KHDRBS3: variants seen among roughly 807,000 people sequenced by gnomAD.
KHDRBS3 encodes KH RNA binding domain containing, signal transduction associated 3, also known as KH domain-containing, RNA-binding, signal transduction-associated protein 3.
Under a neutral mutation model 45.6 loss-of-function variants are expected in KHDRBS3, and 23 were observed. That is an observed-to-expected ratio of 0.50 (90% CI 0.36 to 0.72). The LOEUF (loss-of-function observed/expected upper bound fraction) is 0.72. Among genes scored for constraint, KHDRBS3 ranks in the 30% least tolerant of loss-of-function variants. KHDRBS3 has a pLI of 0.00. For synonymous variants in KHDRBS3, 162 were observed against 156.5 expected, an observed-to-expected ratio of 1.04 and a Z score of -0.26; for missense variants, 352 against 424.8, an observed-to-expected ratio of 0.83 and a Z score of 1.51.
chr8:135,471,765 G>A (rs1439494427), intron 1 of KHDRBS3, among the ~76,000 whole-genome samples: 3 of 152,202 alleles, frequency 2.0e-5, no homozygotes, highest in Non-Finnish European at 4.4e-5. Context: ...AGGGCTCCCT[G>A]TCTGGCTTAC....
intron 1 of KHDRBS3, among the ~76,000 whole-genome samples, chr8:135,473,338 C>A (rs1443757683): frequency 6.6e-6 from 1 of 152,154 alleles, no homozygotes; most frequent in Non-Finnish European, 1.5e-5. Flanking sequence ...CCATCCACAC[C>A]AGCACATGCA....
At chr8:135,633,283 A>G (rs1334169648) in intron 7 of KHDRBS3, among the ~76,000 whole-genome samples, 4 of 152,224 alleles carry the variant, frequency 2.6e-5, no homozygotes, top group African/African-American at 7.2e-5. Flanking sequence ...TGGCAGAGCC[A>G]GGACTCAGCC....
At chr8:135,475,589 G>A (rs989412213) in intron 1 of KHDRBS3, among the ~76,000 whole-genome samples, 1 of 152,062 alleles carries the variant, frequency 6.6e-6, no homozygotes, top group Admixed American at 6.6e-5. Context: ...AAGGAGCATA[G>A]GTATGGGGGC....
Position 135,548,796 on chromosome 8 carries a change from C to T in KHDRBS3, c.367C>T (p.Leu123Phe). 1 of 1,585,568 alleles carries T rather than the reference C, an allele frequency of 6.3e-7. No individual in the cohort carries two copies. Among genetic ancestry groups the T allele is most frequent in the South Asian group, 1.2e-5 (1 of 85,126 alleles). ...RKSGEAKYFH[L>F]NDDLHVLIEV... ...AAGTGGAGAAGCGAAGTACTTCCAT[C>T]TCAATGATGATCTCCATGTTCTCAT... Residue 123 changes from leucine to phenylalanine, a missense_variant, in exon 4 of 9, where the codon CTC (leucine) becomes TTC (phenylalanine). Transcript: ENST00000355849.
chr8:135,544,847 G>T (rs1027972738), intron 3 of KHDRBS3, among the ~76,000 whole-genome samples: 8 of 152,092 alleles, frequency 5.3e-5, no homozygotes, highest in Non-Finnish European at 1.2e-4. Context: ...AACCAGGGAG[G>T]GGAGTAGCAT....
At chr8:135,603,208 A>G (rs1029808181) in intron 6 of KHDRBS3, among the ~76,000 whole-genome samples, 3 of 152,144 alleles carry the variant, frequency 2.0e-5, no homozygotes, top group Non-Finnish European at 4.4e-5. Context: ...GCTGTCTCCC[A>G]CTACACCTCA....
chr8:135,646,766 C>G (rs1338902524), intron 8 of KHDRBS3, among the ~76,000 whole-genome samples: 1 of 152,122 alleles, frequency 6.6e-6, no homozygotes, highest in Non-Finnish European at 1.5e-5. Context: ...ATACAAGAAC[C>G]GTTTATCTTC....
chr8:135,592,799 G>A (rs1484521095), intron 6 of KHDRBS3, among the ~76,000 whole-genome samples: 1 of 152,060 alleles, frequency 6.6e-6, no homozygotes, highest in Admixed American at 6.6e-5. Flanking sequence ...GTAAATTTTT[G>A]CAGAAATGAC....
rs191308113 is a variant in KHDRBS3 at position 135,510,696 on chromosome 8, G to A, written c.89-10541G>A. Among the ~76,000 whole-genome samples the A allele has an allele frequency of 2.1e-3, 318 of 152,328 alleles. 1 individual carries two copies. Among genetic ancestry groups the A allele is most frequent in the Middle Eastern group, 0.014 (4 of 294 alleles). On this transcript the variant is annotated intron_variant, in intron 1 of 8. Transcript: ENST00000355849. The stretch of plus-strand genomic sequence containing the variant: ...GACCCACCCGCCTTGGCCTCCCAAA[G>A]TTCTGGGATTACAGGCTTGAGCCAC...
chr8:135,603,346 T>G (rs1829303379), intron 6 of KHDRBS3, among the ~76,000 whole-genome samples: 1 of 152,258 alleles, frequency 6.6e-6, no homozygotes, highest in Admixed American at 6.5e-5. Context: ...CTCCAGCTTC[T>G]TTTAATTCAT....
At chr8:135,636,781 A>G (rs949900138) in intron 7 of KHDRBS3, among the ~76,000 whole-genome samples, 4 of 152,240 alleles carry the variant, frequency 2.6e-5, no homozygotes, top group African/African-American at 9.6e-5. Context: ...CATGCCAGGG[A>G]CACCCACAAA....
intron 7 of KHDRBS3, among the ~76,000 whole-genome samples, chr8:135,637,367 C>G (rs1830857176): frequency 1.3e-5 from 2 of 152,106 alleles, no homozygotes; most frequent in Non-Finnish European, 2.9e-5. Flanking sequence ...AAAGGAAATA[C>G]AAAACTAGGT....
chr8:135,468,766 T>C (rs1821829271), intron 1 of KHDRBS3, among the ~76,000 whole-genome samples: 1 of 152,212 alleles, frequency 6.6e-6, no homozygotes, highest in Non-Finnish European at 1.5e-5. Context: ...ATAAAAGTTA[T>C]TTGCATGAAT....
chr8:135,468,363 A>G (rs542056369), intron 1 of KHDRBS3, among the ~76,000 whole-genome samples: 5 of 152,322 alleles, frequency 3.3e-5, no homozygotes, highest in Non-Finnish European at 5.9e-5. Context: ...TTAGAAGCCA[A>G]GATCTGGGTG....
At chr8:135,595,830 G>C (rs1464794081) in intron 6 of KHDRBS3, among the ~76,000 whole-genome samples, 1 of 152,174 alleles carries the variant, frequency 6.6e-6, no homozygotes, top group South Asian at 2.1e-4. Context: ...CACAGTGGTC[G>C]ACAGGCAGAT....
intron 6 of KHDRBS3, among the ~76,000 whole-genome samples, chr8:135,588,270 A>G (rs1012476841): frequency 1.4e-4 from 21 of 152,158 alleles, no homozygotes; most frequent in Non-Finnish European, 2.5e-4. Context: ...CTAATTTGTT[A>G]TGAAAGGATA....
At chr8:135,538,998 A>G (rs1376078309) in intron 2 of KHDRBS3, 2 of 152,230 alleles carry the variant, frequency 1.3e-5, no homozygotes, top group African/African-American at 4.8e-5. Context: ...GGAGGAATTG[A>G]ACTTGCAAAC....
intron 5 of KHDRBS3, among the ~76,000 whole-genome samples, chr8:135,577,905 A>G (rs989741491): frequency 5.3e-5 from 8 of 152,170 alleles, no homozygotes; most frequent in Admixed American, 6.5e-5. Context: ...CAATTGGTAT[A>G]TTCAGTTATT....
rs1831343620 is a variant in KHDRBS3 at position 135,647,500 on chromosome 8, A to T, written c.*416A>T. On this transcript the variant is annotated 3_prime_UTR_variant, in exon 9 of 9. Coordinates refer to ENST00000355849, the MANE Select transcript of KHDRBS3 (RefSeq NM_006558.3). Reference sequence around the variant, plus strand: ...GCCAACATGCGTAAAAAGGGAAGCCAATTACAAGTGCAAATAATGTGGTAT... The same window carrying T: ...GCCAACATGCGTAAAAAGGGAAGCCTATTACAAGTGCAAATAATGTGGTAT... 1 of 153,540 alleles carries T rather than the reference A, an allele frequency of 6.5e-6. No homozygotes were observed. The highest frequency in any genetic ancestry group is 2.0e-4 in the South Asian group (1 of 4,882). 9.5% of individuals were successfully genotyped at this position (153,540 alleles called of 1,614,324 possible).
Sources: allele counts gnomAD v4.1 joint callset (sites outside exome capture counted in the v4.1 genomes callset), GRCh38; gene constraint gnomAD v4.1.1; transcripts MANE v1.5; gene names NCBI Gene and HGNC (gene_info 2026-07-23, HGNC 2026-07-21).